LINGO2: variants seen among roughly 807,000 people sequenced by gnomAD.
LINGO2 encodes leucine rich repeat and Ig domain containing 2.
LINGO2 carries 14 observed loss-of-function variants against 30.6 expected under a neutral mutation model. That is an observed-to-expected ratio of 0.46 (90% CI 0.30 to 0.72). LINGO2 has a LOEUF of 0.72. LINGO2 is among the 30% of genes least tolerant of loss of function. LINGO2 has a pLI of 0.07. For missense variants in LINGO2, 729 were observed against 751.7 expected (o/e 0.97, Z 0.35); for synonymous variants, 317 against 288.5 (o/e 1.10, Z -1.00).
intron 4 of LINGO2, among the ~76,000 whole-genome samples, chr9:28,106,610 C>T (rs993210118): frequency 2.0e-5 from 3 of 152,246 alleles, no homozygotes; most frequent in Admixed American, 1.3e-4. Flanking sequence ...CTAGTCTTAC[C>T]TGTTTCTTCC....
At chr9:28,536,787 T>G (rs1158164874) in intron 1 of LINGO2, among the ~76,000 whole-genome samples, 1 of 152,020 alleles carries the variant, frequency 6.6e-6, no homozygotes, top group Non-Finnish European at 1.5e-5. Flanking sequence ...CTATGTAACT[T>G]TTGGGGAAAA....
the LINGO2 span, among the ~76,000 whole-genome samples, chr9:28,977,743 G>T: frequency 0.013 from 2,054 of 152,264 alleles, 25 homozygotes; most frequent in Non-Finnish European, 0.023. Context: ...AAGCCAGAAG[G>T]TAATTGGGTC....
At chr9:28,633,229 C>A (rs1028720754) in intron 1 of LINGO2, among the ~76,000 whole-genome samples, 6 of 151,996 alleles carry the variant, frequency 3.9e-5, no homozygotes, top group Admixed American at 1.3e-4. Context: ...TTTGGCGATA[C>A]CCATACAGAC....
At chr9:28,042,588 G>A (rs374239393) in intron 4 of LINGO2, among the ~76,000 whole-genome samples, 1 of 152,050 alleles carries the variant, frequency 6.6e-6, no homozygotes, top group African/African-American at 2.4e-5. Flanking sequence ...ATGAAAGAAA[G>A]GTACAAATTC....
At chr9:28,326,514 A>G (rs1825234816) in intron 3 of LINGO2, among the ~76,000 whole-genome samples, 1 of 152,160 alleles carries the variant, frequency 6.6e-6, no homozygotes, top group South Asian at 2.1e-4. Flanking sequence ...TTTCTTATAC[A>G]GTGTTCACCA....
chr9:27,939,981 A>G, the LINGO2 span: 1 of 152,180 alleles, frequency 6.6e-6, no homozygotes. Context: ...TCAAAGAGGT[A>G]TCCTCTCTAG....
the LINGO2 span, among the ~76,000 whole-genome samples, chr9:28,854,526 C>A: frequency 6.6e-6 from 1 of 151,932 alleles, no homozygotes; most frequent in East Asian, 1.9e-4. Context: ...GGAATCTCCA[C>A]AGAGTTGCAA....
intron 4 of LINGO2, among the ~76,000 whole-genome samples, chr9:28,097,490 G>T (rs1168095017): frequency 2.1e-5 from 3 of 145,456 alleles, no homozygotes; most frequent in Non-Finnish European, 4.5e-5. Context: ...ATACACCATG[G>T]AATACTATGC....
Position 28,055,603 on chromosome 9 carries a change from TTCTC to T in LINGO2, c.-86-43202_-86-43199del, listed in dbSNP as rs200216155. Among the ~76,000 whole-genome samples, 345 of 152,302 alleles carry T rather than the reference TTCTC, an allele frequency of 2.3e-3. 2 individuals carry two copies. Among genetic ancestry groups the T allele is most frequent in the East Asian group, 5.2e-3 (27 of 5,174 alleles). ...CTTCAGTCTAATTTCTCAAAATGTT[TTCTC>T]TCTATCATAGGCTTACATAAAAACG... On this transcript the variant is annotated intron_variant, in intron 4 of 5. Coordinates refer to ENST00000379992, the Ensembl canonical transcript of LINGO2.
At chr9:28,809,700 C>T in the LINGO2 span, among the ~76,000 whole-genome samples, 7 of 141,722 alleles carry the variant, frequency 4.9e-5, no homozygotes, top group South Asian at 2.3e-4. Context: ...GAGCCGAGAT[C>T]GTGCCATTGT....
chr9:29,187,377 A>G, the LINGO2 span, among the ~76,000 whole-genome samples: 29 of 152,322 alleles, frequency 1.9e-4, no homozygotes, highest in South Asian at 2.1e-3. Context: ...ATATCTATTG[A>G]TAAGCAAAAT....
intron 4 of LINGO2, among the ~76,000 whole-genome samples, chr9:28,242,912 C>T (rs910737346): frequency 3.9e-5 from 6 of 152,190 alleles, no homozygotes; most frequent in African/African-American, 1.2e-4. Flanking sequence ...CCTTTTCAGA[C>T]AAGCAAATGC....
intron 4 of LINGO2, among the ~76,000 whole-genome samples, chr9:28,041,746 G>A (rs972207010): frequency 6.6e-6 from 1 of 152,046 alleles, no homozygotes; most frequent in East Asian, 1.9e-4. Flanking sequence ...TATTGTTAGC[G>A]ACATATTATA....
In LINGO2 at chr9:28,513,824, G is replaced by A. The variant is rs116886872; in HGVS notation, c.-364-37799C>T. ...TCTTAAAAAAGGACATACCGACTTC[G>A]TGAATGTATGTATAGTAAAATTGAT... is the stretch of plus-strand genomic sequence containing the variant. On this transcript the variant is annotated intron_variant, in intron 1 of 5. Transcript: ENST00000379992. Among the ~76,000 whole-genome samples the A allele has an allele frequency of 2.9e-4, 44 of 152,274 alleles. 1 individual carries two copies. In the East Asian group the frequency reaches 6.9e-3, roughly 24 times the overall value.
At chr9:28,184,655 T>C (rs1819479256) in intron 4 of LINGO2, among the ~76,000 whole-genome samples, 1 of 151,908 alleles carries the variant, frequency 6.6e-6, no homozygotes, top group South Asian at 2.1e-4. Flanking sequence ...CTGAGTCTGA[T>C]AGACTGAGAC....
At chr9:28,575,992 A>ATC (rs1823965925) in intron 1 of LINGO2, among the ~76,000 whole-genome samples, 1 of 152,046 alleles carries the variant, frequency 6.6e-6, no homozygotes, top group South Asian at 2.1e-4. Flanking sequence ...AGACATGCAG[A>ATC]TCCTCCTCTA....
chr9:27,974,462 C>T (rs538935115), intron 5 of LINGO2, among the ~76,000 whole-genome samples: 3 of 152,210 alleles, frequency 2.0e-5, no homozygotes, highest in African/African-American at 7.2e-5. Flanking sequence ...CGCAGAGTCA[C>T]CTTCCTATTG....
intron 3 of LINGO2, among the ~76,000 whole-genome samples, chr9:28,317,357 T>C (rs1344804705): frequency 1.3e-5 from 2 of 152,190 alleles, no homozygotes; most frequent in Admixed American, 1.3e-4. Flanking sequence ...TTCTCCCTAA[T>C]TTGTGTCAAA....
intron 4 of LINGO2, among the ~76,000 whole-genome samples, chr9:28,018,888 T>C (rs1427064746): frequency 2.0e-5 from 3 of 152,162 alleles, no homozygotes; most frequent in African/African-American, 7.2e-5. Flanking sequence ...CATGCACACA[T>C]ATTCATTGCA....
Sources: gnomAD v4.1 joint callset for allele counts (sites outside exome capture counted in the v4.1 genomes callset) on GRCh38, gnomAD v4.1.1 for gene constraint, MANE v1.5 for transcripts, NCBI Gene and HGNC (gene_info 2026-07-23, HGNC 2026-07-21) for gene names.